Variants in CPNE8 observed in about 807,000 individuals in gnomAD.
The protein encoded by CPNE8 is copine 8, also known as copine-8.
In CPNE8, 45 loss-of-function variants were observed where a neutral mutation model predicts 81.5. That is an observed-to-expected ratio of 0.55 (90% CI 0.44 to 0.71). The LOEUF is 0.71. Among genes scored for constraint, CPNE8 ranks in the 30% least tolerant of loss-of-function variants. CPNE8 has a pLI of 0.00. For missense variants in CPNE8, 594 were observed against 672.1 expected (o/e 0.88, Z 1.28); for synonymous variants, 252 against 226.3 (o/e 1.11, Z -1.02).
chr12:38,803,621 C>T (rs956044773), intron 6 of CPNE8, among the ~76,000 whole-genome samples: 7 of 144,570 alleles, frequency 4.8e-5, no homozygotes, highest in South Asian at 2.3e-4. Flanking sequence ...CCTCTCTCAC[C>T]GCTCCTATTC....
At position 38,856,946 on chromosome 12, in the gene CPNE8, A is replaced by C. The variant is rs549769481; in HGVS notation, c.187-8284T>G. Among the ~76,000 whole-genome samples the C allele has an allele frequency of 9.4e-4, 143 of 151,830 alleles. 1 individual carries two copies. The highest frequency in any genetic ancestry group is 3.2e-3 in the African/African-American group (132 of 41,432). On this transcript the variant is annotated intron_variant, in intron 3 of 19. Coordinates refer to ENST00000331366, the MANE Select transcript of CPNE8 (RefSeq NM_153634.3). ...ACTGCATGAGGTTTCTAACTGCACT[A>C]TACTATGAGTATCAGGGTTTTTTTT...
At chr12:38,661,221 A>G (rs1938945546) in intron 19 of CPNE8, among the ~76,000 whole-genome samples, 1 of 152,178 alleles carries the variant, frequency 6.6e-6, no homozygotes, top group African/African-American at 2.4e-5. Context: ...ATGTCCATCA[A>G]TGATAGAATG....
intron 6 of CPNE8, among the ~76,000 whole-genome samples, chr12:38,792,494 T>G (rs1033625410): frequency 6.6e-6 from 1 of 151,522 alleles, no homozygotes; most frequent in Non-Finnish European, 1.5e-5. Context: ...ATTGACACAT[T>G]CTTGGAAATA....
chr12:38,801,824 C>T (rs1374608019), intron 6 of CPNE8, among the ~76,000 whole-genome samples: 1 of 102,848 alleles, frequency 9.7e-6, no homozygotes, highest in African/African-American at 3.5e-5. Flanking sequence ...TCTACCAAGC[C>T]AATGGAAAAC....
At chr12:38,864,740 CT>C (rs1943891068) in intron 3 of CPNE8, among the ~76,000 whole-genome samples, 1 of 152,100 alleles carries the variant, frequency 6.6e-6, no homozygotes, top group African/African-American at 2.4e-5. Flanking sequence ...CACAATAAAA[CT>C]TCTAAAAGAT....
chr12:38,800,173 C>T (rs866903274), intron 6 of CPNE8, among the ~76,000 whole-genome samples: 67 of 118,654 alleles, frequency 5.6e-4, no homozygotes, highest in African/African-American at 1.8e-3. Context: ...AGGAGGCCTG[C>T]CTGCCTCTGT....
chr12:38,798,020 A>G (rs1261626897), intron 6 of CPNE8, among the ~76,000 whole-genome samples: 1 of 152,138 alleles, frequency 6.6e-6, no homozygotes, highest in Non-Finnish European at 1.5e-5. Flanking sequence ...AAAGAAATGA[A>G]GAAAGCCTCC....
chr12:38,705,468 A>G (rs1592024024), intron 13 of CPNE8, among the ~76,000 whole-genome samples: 1 of 152,150 alleles, frequency 6.6e-6, no homozygotes, highest in African/African-American at 2.4e-5. Context: ...TTATATTAAT[A>G]GTTATATGGT....
chr12:38,890,866 G>A (rs990788336), intron 1 of CPNE8, among the ~76,000 whole-genome samples: 7 of 149,832 alleles, frequency 4.7e-5, no homozygotes, highest in East Asian at 1.9e-4. Context: ...CAGATTAAGC[G>A]AATTATCTGT....
At chr12:38,672,582 T>C (rs1462180024) in intron 18 of CPNE8, among the ~76,000 whole-genome samples, 1 of 152,344 alleles carries the variant, frequency 6.6e-6, no homozygotes, top group Admixed American at 6.5e-5. Context: ...ACAATGAAGT[T>C]AGAAACCCTT....
intron 6 of CPNE8, among the ~76,000 whole-genome samples, chr12:38,798,289 C>A (rs995244324): frequency 6.6e-6 from 1 of 152,094 alleles, no homozygotes; most frequent in African/African-American, 2.4e-5. Context: ...ATGTTAAGGG[C>A]AGCCAGAGAG....
At chr12:38,902,399 G>GA (rs778285582) in intron 1 of CPNE8, among the ~76,000 whole-genome samples, 1 of 137,160 alleles carries the variant, frequency 7.3e-6, no homozygotes, top group Non-Finnish European at 1.5e-5. Flanking sequence ...GAAAGAGAAA[G>GA]AAAGAAAGAA....
At chr12:38,717,458 T>TATATATATATATATAA (rs1339046227) in intron 13 of CPNE8, among the ~76,000 whole-genome samples, 1 of 138,730 alleles carries the variant, frequency 7.2e-6, no homozygotes, top group Non-Finnish European at 1.6e-5. Flanking sequence ...TATATATATA[T>TATATATATATATATAA]ACACCATGGA....
chr12:38,704,606 T>C (rs1940040452), intron 13 of CPNE8, among the ~76,000 whole-genome samples: 4 of 151,800 alleles, frequency 2.6e-5, no homozygotes, highest in Admixed American at 6.6e-5. Context: ...CATTAGCCTA[T>C]AGTTGGGCAA....
chr12:38,691,427 A>G (rs1437985591), intron 15 of CPNE8, among the ~76,000 whole-genome samples: 2 of 152,202 alleles, frequency 1.3e-5, no homozygotes, highest in Non-Finnish European at 2.9e-5. Context: ...ATGTGACTCG[A>G]TACTCAGTAA....
At chr12:38,749,636 AAG>A (rs1360423790) in intron 10 of CPNE8, among the ~76,000 whole-genome samples, 4 of 152,180 alleles carry the variant, frequency 2.6e-5, no homozygotes, top group African/African-American at 9.7e-5. Flanking sequence ...TGTTTTAGCA[AAG>A]AGACTGGCGG....
chr12:38,820,482 A>G (rs1194862612), intron 6 of CPNE8, among the ~76,000 whole-genome samples: 1 of 152,190 alleles, frequency 6.6e-6, no homozygotes, highest in African/African-American at 2.4e-5. Context: ...AACTAAGAAC[A>G]TTCTTAGTGT....
chr12:38,656,878 T>A (rs1265204853), intron 19 of CPNE8, among the ~76,000 whole-genome samples: 3 of 152,152 alleles, frequency 2.0e-5, no homozygotes, highest in Non-Finnish European at 4.4e-5. Flanking sequence ...AGTATTTCCT[T>A]GGTGGTTGGG....
chr12:38,693,877 G>T, intron 14 of CPNE8, 39 bp from the exon 15 acceptor site: 4 of 1,498,844 alleles, frequency 2.7e-6, no homozygotes, highest in South Asian at 2.7e-5. Context: ...AAGCAATTAG[G>T]GTAAATAAAT....
Sources: gnomAD v4.1 joint callset for allele counts (sites outside exome capture counted in the v4.1 genomes callset) on GRCh38, gnomAD v4.1.1 for gene constraint, MANE v1.5 for transcripts, NCBI Gene and HGNC (gene_info 2026-07-23, HGNC 2026-07-21) for gene names.